IPO13: variants seen among roughly 807,000 people sequenced by gnomAD.
The protein encoded by IPO13 is importin 13, also known as importin-13.
In IPO13, 28 loss-of-function variants were observed where a neutral mutation model predicts 115.5. The ratio of observed to expected loss-of-function variants is 0.24; its 90% CI spans 0.18 to 0.33. IPO13 has a LOEUF of 0.33. Among genes scored for constraint, IPO13 ranks in the 10% least tolerant of loss-of-function variants. The pLI is 1.00. For missense variants in IPO13, 785 were observed against 1,204.6 expected, an observed-to-expected ratio of 0.65 and a Z score of 5.16; for synonymous variants, 414 against 478.9, an observed-to-expected ratio of 0.86 and a Z score of 1.77.
chr1:43,958,168 G>A lies in IPO13; in HGVS notation c.1722+10G>A. The stretch of plus-strand genomic sequence containing the variant: ...TGTGGCTGTGTCCCAGGTATGCAGG[G>A]GCCCTGGATGGTGCTGGGCCTCAGA... On this transcript the variant is annotated intron_variant, in intron 8 of 19. Coordinates refer to ENST00000372343, the MANE Select transcript of IPO13 (RefSeq NM_014652.4). The surrounding 1 kb of genome is among the most constrained non-coding windows in gnomAD (Gnocchi z 6.3). 6.2e-7 allele frequency: 1 copy of A among 1,614,072 alleles called. No individual in the cohort carries two copies.
At position 43,949,310 on chromosome 1, in the gene IPO13, C is replaced by G. The variant is rs551557425; in HGVS notation, c.85-107C>G. On this transcript the variant is annotated intron_variant, in intron 1 of 19. Transcript: ENST00000372343. ...GCTGAGCTCTCCCTGCTCAGCCCCC[C>G]AGTCAGGGAGAGGGAGCAGCCTTGC... 80 of 1,217,050 alleles carry G rather than the reference C, an allele frequency of 6.6e-5. No individual in the cohort carries two copies. The East Asian group carries it at 1.7e-3, about 26-fold the overall frequency. 75.4% of individuals were successfully genotyped at this position (1,217,050 alleles called of 1,614,324 possible). A position where few individuals can be genotyped will look rare whatever the true frequency, so the allele number is the denominator to read the frequency against.
At position 43,954,350 on chromosome 1, in the gene IPO13, A is replaced by G. The variant is rs189112880; in HGVS notation, c.822-1970A>G. Among the ~76,000 whole-genome samples, 155 of 152,210 alleles carry G rather than the reference A, an allele frequency of 1.0e-3. 1 individual carries two copies. The highest frequency in any genetic ancestry group is 3.4e-3 in the Middle Eastern group (1 of 294). On this transcript the variant is annotated intron_variant, in intron 2 of 19. Transcript: ENST00000372343. The stretch of plus-strand genomic sequence containing the variant: ...TATCCTGGCATGGGTGACTTTTCCT[A>G]CCAGAATGGGGATGTGGAGAAGGAG...
intron 11 of IPO13, among the ~76,000 whole-genome samples, chr1:43,959,743 T>G (rs971721991): frequency 1.3e-5 from 2 of 152,166 alleles, no homozygotes; most frequent in African/African-American, 2.4e-5. Flanking sequence ...CAGAGCTGCT[T>G]CTTTACATGG....
At chr1:43,964,714 C>T (rs2085310722) in intron 15 of IPO13, among the ~76,000 whole-genome samples, 1 of 152,190 alleles carries the variant, frequency 6.6e-6, no homozygotes, top group African/African-American at 2.4e-5. Flanking sequence ...CTGCCTGCCT[C>T]AGTGCCCCCA....
chr1:43,965,668 G>C (rs1194261117), intron 15 of IPO13, among the ~76,000 whole-genome samples: 2 of 151,832 alleles, frequency 1.3e-5, no homozygotes, highest in African/African-American at 4.8e-5. Flanking sequence ...TGTTCCAGAT[G>C]GGGAGAGTGT....
Position 43,957,855 on chromosome 1 carries a change from G to A in IPO13, c.1541-122G>A, listed in dbSNP as rs1052666441. 1.2e-5 allele frequency: 11 copies of A among 918,604 alleles called. No homozygotes were observed. The African/African-American group carries it at 1.8e-4, about 15-fold the overall frequency. 56.9% of individuals were successfully genotyped at this position (918,604 alleles called of 1,614,324 possible). A position where few individuals can be genotyped will look rare whatever the true frequency, so the allele number is the denominator to read the frequency against. ...TGCACATGCATATGTCCTCTGAATG[G>A]GGCAGTACTCTGTGCTGGGGCTGCA... On this transcript the variant is annotated intron_variant, in intron 7 of 19. Coordinates refer to ENST00000372343, the MANE Select transcript of IPO13 (RefSeq NM_014652.4).
In IPO13 at chr1:43,958,670, T is replaced by C. The variant is rs1245850736; in HGVS notation, c.1884+75T>C. The C allele has an allele frequency of 5.0e-6, 8 of 1,611,956 alleles. No homozygotes were observed. Among genetic ancestry groups the C allele is most frequent in the Admixed American group, 1.7e-5 (1 of 59,942 alleles). ...TGAGGGGTGAGGTTGGAGCTGGCCC[T>C]CAGAGCTGAGGCTCAGTGATCTGGG... On this transcript the variant is annotated intron_variant, in intron 10 of 19. Coordinates refer to ENST00000372343, the MANE Select transcript of IPO13 (RefSeq NM_014652.4). This position sits in a 1 kb window ranked among gnomAD's most constrained non-coding sequence, Gnocchi z 6.3.
In IPO13 at chr1:43,967,842, G is replaced by A; in HGVS notation, c.*160G>A. 2 of 689,388 alleles carry A rather than the reference G, an allele frequency of 2.9e-6. No homozygotes were observed. The highest frequency in any genetic ancestry group is 5.0e-6 in the Non-Finnish European group (2 of 397,838). The allele number at this position is 689,388 out of a possible 1,614,324, so 42.7% of individuals were successfully genotyped here. ...CTGGGGGAAGGATGGGAGGATGCTT[G>A]GACCCAGGCCTTGGGAGGGAATGGT... On this transcript the variant is annotated 3_prime_UTR_variant, in exon 20 of 20. Transcript: ENST00000372343. The surrounding 1 kb of genome is among the most constrained non-coding windows in gnomAD (Gnocchi z 6.1).
Position 43,957,261 on chromosome 1 carries a change from C to T in IPO13, c.1338C>T (p.Leu446=). The change falls in exon 6 of 20, where the codon CTC becomes CTT. Residue 446 remains leucine (L), a synonymous_variant. Transcript: ENST00000372343. ...TGGGGGCCGAGCTGCTCAGCAACCT[C>T]TATGACAAGCTGGGTCGTTTGCTCA... is the stretch of plus-strand genomic sequence containing the variant. ...EMLGAELLSN[L]YDKLGRLLTS... is the part of the protein sequence containing the mutation. 1 of 1,614,126 alleles carries T rather than the reference C, an allele frequency of 6.2e-7. No individual in the cohort carries two copies.
intron 7 of IPO13, 98 bp from the exon 8 acceptor site, chr1:43,957,879 C>T: frequency 8.5e-7 from 1 of 1,174,834 alleles, no homozygotes; most frequent in South Asian, 1.3e-5. Flanking sequence ...GCTGGGGCTG[C>T]AACTTGACCC....
Position 43,967,961 on chromosome 1 carries a change from G to T in IPO13, c.*279G>T. The T allele has an allele frequency of 1.9e-6, 1 of 536,490 alleles. No homozygotes were observed. Among genetic ancestry groups the T allele is most frequent in the Non-Finnish European group, 3.4e-6 (1 of 298,186 alleles). The allele number at this position is 536,490 out of a possible 1,614,324, so 33.2% of individuals were successfully genotyped here. On this transcript the variant is annotated 3_prime_UTR_variant, in exon 20 of 20. Coordinates refer to ENST00000372343, the MANE Select transcript of IPO13 (RefSeq NM_014652.4). The surrounding 1 kb of genome is among the most constrained non-coding windows in gnomAD (Gnocchi z 6.1). ...TCAGAATACTGTCATTGTCCTTGGGGCGGGGTGGTTGCAGTAGTGTCATCA... is the reference window on the plus strand; with the variant it reads ...TCAGAATACTGTCATTGTCCTTGGGTCGGGGTGGTTGCAGTAGTGTCATCA...
In IPO13 at chr1:43,964,169, C is replaced by G. The variant is rs925858803; in HGVS notation, c.2345-100C>G. ...TTGCTTCCTGCTGCTCATGTGCCCC[C>G]ACGCTGTCTCCCTGCAGGCTCTCAG... On this transcript the variant is annotated intron_variant, in intron 14 of 19. Coordinates refer to ENST00000372343, the MANE Select transcript of IPO13 (RefSeq NM_014652.4). 3.4e-5 allele frequency: 26 copies of G among 768,542 alleles called. No homozygotes were observed. The East Asian group carries it at 5.7e-4, about 17-fold the overall frequency. The allele number at this position is 768,542 out of a possible 1,614,324, so 47.6% of individuals were successfully genotyped here.
chr1:43,957,573 A>T (rs1557632858), intron 7 of IPO13, 24 bp downstream of exon 7: 3 of 1,613,046 alleles, frequency 1.9e-6, no homozygotes, highest in Non-Finnish European at 2.5e-6. Flanking sequence ...CACACCCATG[A>T]CCATATTCCC....
In IPO13 at chr1:43,950,173, C is replaced by T. The variant is rs200682107; in HGVS notation, c.821+20C>T. The T allele has an allele frequency of 2.9e-4, 461 of 1,578,514 alleles. No homozygotes were observed. The highest frequency in any genetic ancestry group is 3.8e-4 in the Non-Finnish European group (438 of 1,160,128). ...CCAGAGGTGAGCTAGTACCCACTCACCCAGAAGACAACCTCTTTGGCCAGC... is the reference window on the plus strand; with the variant it reads ...CCAGAGGTGAGCTAGTACCCACTCATCCAGAAGACAACCTCTTTGGCCAGC... On this transcript the variant is annotated intron_variant, in intron 2 of 19. Coordinates refer to ENST00000372343, the MANE Select transcript of IPO13 (RefSeq NM_014652.4).
rs1418894959 is a variant in IPO13, at chr1:43,964,228, T to G, written c.2345-41T>G. ...AACTATATGAGGTTGAGTTGCTGTTTGTATAATTTTTTCTTAAGTTCCATC... is the reference window on the plus strand; with the variant it reads ...AACTATATGAGGTTGAGTTGCTGTTGGTATAATTTTTTCTTAAGTTCCATC... On this transcript the variant is annotated intron_variant, in intron 14 of 19. Coordinates refer to ENST00000372343, the MANE Select transcript of IPO13 (RefSeq NM_014652.4). 2.8e-6 allele frequency: 4 copies of G among 1,414,272 alleles called. No individual in the cohort carries two copies. The East Asian group carries it at 9.1e-5, about 32-fold the overall frequency. The allele number at this position is 1,414,272 out of a possible 1,614,324, so 87.6% of individuals were successfully genotyped here.
rs748345922 is a variant in IPO13 at position 43,966,855 on chromosome 1, G to T, written c.2523+73G>T. The stretch of plus-strand genomic sequence containing the variant: ...CCTGCCCAGGACTTCAGACAGTAGG[G>T]CTGGGGTGTACAGGTCTTGTCCTCA... On this transcript the variant is annotated intron_variant, in intron 17 of 19. Coordinates refer to ENST00000372343, the MANE Select transcript of IPO13 (RefSeq NM_014652.4). This position sits in a 1 kb window ranked among gnomAD's most constrained non-coding sequence, Gnocchi z 4.1. 2.5e-6 allele frequency: 4 copies of T among 1,606,266 alleles called. No individual in the cohort carries two copies. The highest frequency in any genetic ancestry group is 1.7e-5 in the Admixed American group (1 of 59,942).
rs2085218107 is a variant in IPO13, at chr1:43,952,769, A to G, written c.821+2616A>G. Among the ~76,000 whole-genome samples, 1 of 152,204 alleles carries G rather than the reference A, an allele frequency of 6.6e-6. No individual in the cohort carries two copies. Among genetic ancestry groups the G allele is most frequent in the Admixed American group, 6.5e-5 (1 of 15,270 alleles). ...AAAAATAAAAGATTGTTTCGGTATG[A>G]GGATTAAATAAGAGAATGTGAAGCT... On this transcript the variant is annotated intron_variant, in intron 2 of 19. Transcript: ENST00000372343. This position sits in a 1 kb window ranked among gnomAD's most constrained non-coding sequence, Gnocchi z 4.7.
chr1:43,957,000 C>T lies in IPO13; in HGVS notation c.1271+24C>T, dbSNP rs555625040. 3 of 1,609,956 alleles carry T rather than the reference C, an allele frequency of 1.9e-6. No individual in the cohort carries two copies. The highest frequency in any genetic ancestry group is 2.7e-5 in the African/African-American group (2 of 74,864). Reference sequence around the variant, plus strand: ...AGGTGATGGTAGCAGGCCAACTCCTCTAAAATGGAGTCCAGAAATAATGAA... The same window carrying T: ...AGGTGATGGTAGCAGGCCAACTCCTTTAAAATGGAGTCCAGAAATAATGAA... On this transcript the variant is annotated intron_variant, in intron 5 of 19. Transcript: ENST00000372343. The surrounding 1 kb of genome is among the most constrained non-coding windows in gnomAD (Gnocchi z 4.7).
intron 5 of IPO13, 51 bp downstream of exon 5, chr1:43,957,027 G>A: frequency 6.3e-7 from 1 of 1,594,850 alleles, no homozygotes. Flanking sequence ...AATAATGAAG[G>A]CAATGAGGGA....
Sources: allele counts gnomAD v4.1 joint callset (sites outside exome capture counted in the v4.1 genomes callset), GRCh38; gene constraint gnomAD v4.1.1; non-coding constraint Gnocchi (gnomAD v3.1); transcripts MANE v1.5; gene names NCBI Gene and HGNC (gene_info 2026-07-23, HGNC 2026-07-21).